The following CSNK2A2IP variants were observed in gnomAD, a reference collection of about 807,000 sequenced individuals.
CSNK2A2IP encodes the protein casein kinase II subunit alpha'-interacting protein.
At chr3:88,421,887 A>T in the CSNK2A2IP span, among the ~76,000 whole-genome samples, 1 of 152,192 alleles carries the variant, frequency 6.6e-6, no homozygotes, top group African/African-American at 2.4e-5. Flanking sequence ...TATTCTAGAA[A>T]CAATTTTCTT....
the CSNK2A2IP span, among the ~76,000 whole-genome samples, chr3:88,460,628 G>C: frequency 6.6e-6 from 1 of 152,096 alleles, no homozygotes; most frequent in African/African-American, 2.4e-5. Flanking sequence ...TACACATACT[G>C]TAAGTGTTAA....
At chr3:88,466,642 G>C in the CSNK2A2IP span, 9 of 1,227,848 alleles carry the variant, frequency 7.3e-6, no homozygotes, top group Admixed American at 4.2e-5. Flanking sequence ...AACTGTCCCT[G>C]ATGATGTGGT....
At chr3:88,450,043 T>C in the CSNK2A2IP span, among the ~76,000 whole-genome samples, 1 of 151,182 alleles carries the variant, frequency 6.6e-6, no homozygotes, top group African/African-American at 2.4e-5. Context: ...AACTGTTTTG[T>C]ATTTTTGTAG....
chr3:88,443,211 A>T, the CSNK2A2IP span, among the ~76,000 whole-genome samples: 1 of 152,160 alleles, frequency 6.6e-6, no homozygotes, highest in Non-Finnish European at 1.5e-5. Flanking sequence ...AGTACAAGGA[A>T]GTTTGTAAAC....
chr3:88,381,189 A>G, the CSNK2A2IP span, among the ~76,000 whole-genome samples: 1 of 152,204 alleles, frequency 6.6e-6, no homozygotes, highest in Non-Finnish European at 1.5e-5. Flanking sequence ...CATGAAGATT[A>G]CCACTCTTAA....
At chr3:88,461,328 T>C in the CSNK2A2IP span, among the ~76,000 whole-genome samples, 1 of 151,794 alleles carries the variant, frequency 6.6e-6, no homozygotes, top group South Asian at 2.1e-4. Context: ...CCGAGGTGGG[T>C]GGATCATGAG....
the CSNK2A2IP span, among the ~76,000 whole-genome samples, chr3:88,379,965 G>A: frequency 6.6e-6 from 1 of 151,908 alleles, no homozygotes; most frequent in East Asian, 1.9e-4. Context: ...ATTTATTATG[G>A]CCACTATATT....
At chr3:88,379,965 G>T in the CSNK2A2IP span, among the ~76,000 whole-genome samples, 2 of 151,908 alleles carry the variant, frequency 1.3e-5, no homozygotes, top group South Asian at 4.1e-4. Flanking sequence ...ATTTATTATG[G>T]CCACTATATT....
chr3:88,438,125 C>A, the CSNK2A2IP span, among the ~76,000 whole-genome samples: 1 of 128,220 alleles, frequency 7.8e-6, no homozygotes, highest in Non-Finnish European at 1.9e-5. Flanking sequence ...TGTAAATTTA[C>A]AGATTTCTAT....
the CSNK2A2IP span, among the ~76,000 whole-genome samples, chr3:88,366,890 C>T: frequency 6.6e-6 from 1 of 152,002 alleles, no homozygotes; most frequent in Non-Finnish European, 1.5e-5. Flanking sequence ...AGGCGAAAGG[C>T]ACTTCTTACA....
At chr3:88,424,931 A>G in the CSNK2A2IP span, among the ~76,000 whole-genome samples, 1 of 152,110 alleles carries the variant, frequency 6.6e-6, no homozygotes. Flanking sequence ...GAATGAATCT[A>G]AAGAGGTTGA....
the CSNK2A2IP span, among the ~76,000 whole-genome samples, chr3:88,343,959 T>C: frequency 1.5e-4 from 23 of 152,094 alleles, no homozygotes; most frequent in Middle Eastern, 3.4e-3. Context: ...TTAAGATTTA[T>C]TTATAGGATG....
the CSNK2A2IP span, among the ~76,000 whole-genome samples, chr3:88,404,427 T>C: frequency 6.6e-6 from 1 of 152,182 alleles, no homozygotes; most frequent in Non-Finnish European, 1.5e-5. Flanking sequence ...ATATGTTACA[T>C]GTTAGATCAG....
chr3:88,383,697 C>T, the CSNK2A2IP span, among the ~76,000 whole-genome samples: 1,418 of 139,188 alleles, frequency 0.01, 22 homozygotes, highest in African/African-American at 0.035. Context: ...TGCTCTGTCA[C>T]GCAGGCTTGA....
At chr3:88,458,352 T>C in the CSNK2A2IP span, among the ~76,000 whole-genome samples, 1 of 152,060 alleles carries the variant, frequency 6.6e-6, no homozygotes, top group Admixed American at 6.5e-5. Context: ...GGTTTTGCCA[T>C]GTTGGCCAGG....
At chr3:88,401,801 G>T in the CSNK2A2IP span, among the ~76,000 whole-genome samples, 49 of 152,020 alleles carry the variant, frequency 3.2e-4, no homozygotes, top group Middle Eastern at 3.4e-3. Flanking sequence ...AAGGAAAAAA[G>T]AAGAACACAG....
chr3:88,361,742 G>C, the CSNK2A2IP span, among the ~76,000 whole-genome samples: 1 of 151,712 alleles, frequency 6.6e-6, no homozygotes, highest in Admixed American at 6.6e-5. Context: ...TCCTCTGTTA[G>C]GCCAATAATT....
the CSNK2A2IP span, chr3:88,399,930 C>A: frequency 6.6e-6 from 1 of 151,898 alleles, no homozygotes; most frequent in East Asian, 1.9e-4. Context: ...AGACAATGCA[C>A]AATAGAATGA....
the CSNK2A2IP span, among the ~76,000 whole-genome samples, chr3:88,375,282 T>A: frequency 1.3e-5 from 2 of 151,808 alleles, no homozygotes. Flanking sequence ...ATGTCCTTAC[T>A]ACTCTCCTCT....
Sources: gnomAD v4.1 joint callset for allele counts (sites outside exome capture counted in the v4.1 genomes callset) on GRCh38, gnomAD v4.1.1 for gene constraint, MANE v1.5 for transcripts, NCBI Gene and HGNC (gene_info 2026-07-23, HGNC 2026-07-21) for gene names.